The following HS6ST3 variants were observed in gnomAD, a reference collection of about 807,000 sequenced individuals.
The protein encoded by HS6ST3 is heparan sulfate 6-O-sulfotransferase 3, also known as heparan-sulfate 6-O-sulfotransferase 3.
HS6ST3 carries 12 observed loss-of-function variants against 36.7 expected under a neutral mutation model. The observed-to-expected ratio is 0.33, with a 90% CI of 0.21 to 0.53. HS6ST3 has a LOEUF of 0.53. HS6ST3 is among the 20% of genes least tolerant of loss of function. The pLI is 0.95. For missense variants in HS6ST3, 584 were observed against 640.9 expected (o/e 0.91, Z 0.96); for synonymous variants, 240 against 257.5 (o/e 0.93, Z 0.65).
intron 1 of HS6ST3, among the ~76,000 whole-genome samples, chr13:96,429,609 C>T (rs1012229737): frequency 6.6e-6 from 1 of 152,180 alleles, no homozygotes; most frequent in African/African-American, 2.4e-5. Flanking sequence ...GTTCTTTGCT[C>T]AACCTGAGCT....
At chr13:96,656,998 T>TGTGTGAGAGA (rs1397374817) in intron 1 of HS6ST3, among the ~76,000 whole-genome samples, 197 of 98,314 alleles carry the variant, frequency 2.0e-3, no homozygotes, top group African/African-American at 7.1e-3. Context: ...TGTGTGTGTG[T>TGTGTGAGAGA]GAGAGAGAGA....
chr13:96,344,349 G>A (rs2055143792), intron 1 of HS6ST3, among the ~76,000 whole-genome samples: 1 of 152,114 alleles, frequency 6.6e-6, no homozygotes, highest in South Asian at 2.1e-4. Context: ...TGTGAGGAAG[G>A]GGATGCTTGT....
intron 1 of HS6ST3, among the ~76,000 whole-genome samples, chr13:96,650,238 C>A (rs2056602890): frequency 6.6e-6 from 1 of 151,984 alleles, no homozygotes; most frequent in Admixed American, 6.6e-5. Context: ...CCATGTATAT[C>A]CCCAACTAGC....
chr13:96,323,782 A>G (rs1006341388), intron 1 of HS6ST3, among the ~76,000 whole-genome samples: 1 of 152,150 alleles, frequency 6.6e-6, no homozygotes, highest in Admixed American at 6.5e-5. Flanking sequence ...AATTATAACC[A>G]TCTTACATGC....
chr13:96,208,039 T>G (rs377512717), intron 1 of HS6ST3, among the ~76,000 whole-genome samples: 5 of 152,286 alleles, frequency 3.3e-5, no homozygotes, highest in South Asian at 2.1e-4. Flanking sequence ...AAAAAAGGAA[T>G]AGATCATATA....
At chr13:96,739,776 T>A (rs1160658762) in intron 1 of HS6ST3, among the ~76,000 whole-genome samples, 1 of 152,184 alleles carries the variant, frequency 6.6e-6, no homozygotes, top group Non-Finnish European at 1.5e-5. Context: ...AGAATGTAAG[T>A]TAGATCATGT....
At chr13:96,770,723 T>C (rs1877243576) in intron 1 of HS6ST3, among the ~76,000 whole-genome samples, 1 of 152,204 alleles carries the variant, frequency 6.6e-6, no homozygotes, top group Admixed American at 6.5e-5. Context: ...TTTCAAACAG[T>C]GCTCACTTTC....
intron 1 of HS6ST3, among the ~76,000 whole-genome samples, chr13:96,248,153 T>C (rs930168234): frequency 1.4e-4 from 21 of 152,186 alleles, no homozygotes; most frequent in African/African-American, 4.8e-4. Context: ...ATTTTAACCC[T>C]AAACTCACTG....
At chr13:96,693,041 A>G (rs1008427995) in intron 1 of HS6ST3, among the ~76,000 whole-genome samples, 1 of 152,166 alleles carries the variant, frequency 6.6e-6, no homozygotes, top group Non-Finnish European at 1.5e-5. Context: ...CCAAGGGTTG[A>G]TGTCCATCTA....
rs192468484 is a variant in HS6ST3 at position 96,116,538 on chromosome 13, C to T, written c.707+24969C>T. On this transcript the variant is annotated intron_variant, in intron 1 of 1. Transcript: ENST00000376705. ...AACGTGCAGTGAAATCTCCCATCCC[C>T]ACTCCATTCCCAAACCATGAGGTTT... Among the ~76,000 whole-genome samples, 6 of 152,314 alleles carry T rather than the reference C, an allele frequency of 3.9e-5. No homozygotes were observed. In the East Asian group the frequency reaches 1.2e-3, roughly 29 times the overall value.
intron 1 of HS6ST3, among the ~76,000 whole-genome samples, chr13:96,771,356 C>T (rs1267038052): frequency 6.6e-6 from 1 of 151,796 alleles, no homozygotes; most frequent in Non-Finnish European, 1.5e-5. Flanking sequence ...ACCAACATGG[C>T]ACATGTATAC....
At chr13:96,792,864 A>C (rs1424841953) in intron 1 of HS6ST3, among the ~76,000 whole-genome samples, 1 of 152,050 alleles carries the variant, frequency 6.6e-6, no homozygotes, top group Non-Finnish European at 1.5e-5. Flanking sequence ...TATGTTTATT[A>C]ATCTTAGTTA....
chr13:96,501,819 T>G (rs893202011), intron 1 of HS6ST3, among the ~76,000 whole-genome samples: 2 of 152,252 alleles, frequency 1.3e-5, no homozygotes, highest in African/African-American at 4.8e-5. Context: ...TGTTGGTTGT[T>G]TAGGGCTTTA....
chr13:96,775,393 G>A (rs1170192452), intron 1 of HS6ST3, among the ~76,000 whole-genome samples: 1 of 152,014 alleles, frequency 6.6e-6, no homozygotes, highest in African/African-American at 2.4e-5. Context: ...CTGGCAAATT[G>A]GATAACGAGT....
intron 1 of HS6ST3, among the ~76,000 whole-genome samples, chr13:96,712,780 A>G (rs184548726): frequency 6.6e-6 from 1 of 152,232 alleles, no homozygotes; most frequent in African/African-American, 2.4e-5. Context: ...CCCTCCCTAC[A>G]CACCCAGTTC....
chr13:96,197,288 CT>C (rs781537915), intron 1 of HS6ST3, among the ~76,000 whole-genome samples: 1 of 152,146 alleles, frequency 6.6e-6, no homozygotes, highest in Non-Finnish European at 1.5e-5. Flanking sequence ...GCAGAAACCC[CT>C]GATAAACCCA....
At position 96,312,245 on chromosome 13, in the gene HS6ST3, T is replaced by G. The variant is rs534253655; in HGVS notation, c.707+220676T>G. Among the ~76,000 whole-genome samples the G allele has an allele frequency of 3.5e-4, 53 of 152,310 alleles. 1 individual carries two copies. The South Asian group carries it at 0.01, about 30-fold the overall frequency. ...ATGCTTTAGTTGAACTTCTCAGACT[T>G]GGATATGTAGTATTTTCCAATTTGC... On this transcript the variant is annotated intron_variant, in intron 1 of 1. Coordinates refer to ENST00000376705, the MANE Select transcript of HS6ST3 (RefSeq NM_153456.4).
intron 1 of HS6ST3, among the ~76,000 whole-genome samples, chr13:96,355,535 G>A (rs1232020836): frequency 6.6e-6 from 1 of 152,074 alleles, no homozygotes; most frequent in African/African-American, 2.4e-5. Flanking sequence ...TAAATGTTAT[G>A]TTTACAGTAT....
At chr13:96,336,752 ATAT>A (rs1474723384) in intron 1 of HS6ST3, among the ~76,000 whole-genome samples, 7 of 152,194 alleles carry the variant, frequency 4.6e-5, no homozygotes, top group African/African-American at 1.7e-4. Flanking sequence ...GCAGACTAAT[ATAT>A]TGGTATGGAA....
Sources: gnomAD v4.1 joint callset for allele counts (sites outside exome capture counted in the v4.1 genomes callset) on GRCh38, gnomAD v4.1.1 for gene constraint, MANE v1.5 for transcripts, NCBI Gene and HGNC (gene_info 2026-07-23, HGNC 2026-07-21) for gene names.